Variants in NCOR2 observed in about 807,000 individuals in gnomAD.
NCOR2 encodes nuclear receptor corepressor 2, also known as CTG repeat protein 26.
In NCOR2, 81 loss-of-function variants were observed where a neutral mutation model predicts 262.9. The ratio of observed to expected loss-of-function variants is 0.31; its 90% confidence interval spans 0.26 to 0.37. The LOEUF (loss-of-function observed/expected upper bound fraction) is 0.37, where lower values mean the gene tolerates loss of function less well. Among genes scored for constraint, NCOR2 ranks in the 10% least tolerant of loss-of-function variants. The pLI is 1.00. For synonymous variants in NCOR2, 1,659 were observed against 1,559.3 expected (o/e 1.06, Z -1.51); for missense variants, 3,385 against 3,621.4 (o/e 0.93, Z 1.68).
intron 16 of NCOR2, among the ~76,000 whole-genome samples, chr12:124,392,182 G>C (rs1005458178): frequency 6.6e-6 from 1 of 152,172 alleles, no homozygotes; most frequent in African/African-American, 2.4e-5. Flanking sequence ...CGGATTCATG[G>C]GTCTCCCCTA....
chr12:124,546,356 G>A (rs1046438702), intron 1 of NCOR2, among the ~76,000 whole-genome samples: 15 of 152,154 alleles, frequency 9.9e-5, no homozygotes, highest in Non-Finnish European at 2.2e-4. Flanking sequence ...TCAGTATGGT[G>A]GTCTGAAAAC....
chr12:124,448,462 G>T (rs890986735), intron 7 of NCOR2, among the ~76,000 whole-genome samples: 1 of 152,198 alleles, frequency 6.6e-6, no homozygotes, highest in Non-Finnish European at 1.5e-5. Flanking sequence ...GTACCAGCCC[G>T]GGACCCCTGG....
rs749886243 is a variant in NCOR2, at chr12:124,378,244, C to G, written c.2160G>C (p.Glu720Asp). Residue 720 changes from glutamate to aspartate, a missense_variant, in exon 18 of 47, where the codon GAG (glutamate) becomes GAC (aspartate). Coordinates refer to ENST00000405201, the Ensembl canonical transcript of NCOR2. This position sits in a 1 kb window ranked among gnomAD's most constrained non-coding sequence, Gnocchi z 4.2. ...AGCCGCGCCAGCCCTCACCTTCAGC[C>G]TCCTCCACCATCTCCTCCTCATTTC... The G allele has an allele frequency of 3.1e-6, 5 of 1,613,782 alleles. No individual in the cohort carries two copies. In the South Asian group the frequency reaches 4.4e-5, roughly 14 times the overall value.
Position 124,486,452 on chromosome 12 carries a change from G to A in NCOR2, c.222C>T (p.Pro74=), listed in dbSNP as rs375860971. 5.9e-4 allele frequency: 950 copies of A among 1,612,660 alleles called. 2 individuals are homozygous for A. Among genetic ancestry groups the A allele is most frequent in the Non-Finnish European group, 7.4e-4 (870 of 1,179,582 alleles). Reference sequence around the variant, plus strand: ...AACTCTCTCCTCACCGTTCATTCCCGGGCTGGAACTCAGACAGCAGGGAGG... The same window carrying A: ...AACTCTCTCCTCACCGTTCATTCCCAGGCTGGAACTCAGACAGCAGGGAGG... Residue 74 remains proline (P), a synonymous_variant, in exon 2 of 47, where the codon CCC becomes CCT. Coordinates refer to ENST00000405201, the Ensembl canonical transcript of NCOR2.
At chr12:124,472,306 T>A (rs1441213376) in intron 4 of NCOR2, among the ~76,000 whole-genome samples, 4 of 152,254 alleles carry the variant, frequency 2.6e-5, no homozygotes, top group African/African-American at 9.6e-5. Context: ...CGCTTGTCTT[T>A]GTGTGGTTTC....
At chr12:124,537,224 T>C (rs2051142560), upstream of NCOR2, among the ~76,000 whole-genome samples, 1 of 152,256 alleles carries the variant, frequency 6.6e-6, no homozygotes, top group African/African-American at 2.4e-5. Flanking sequence ...TTATAATTGT[T>C]CGCTAATCTG....
At chr12:124,395,294 G>C (rs2041579547) in intron 16 of NCOR2, among the ~76,000 whole-genome samples, 1 of 152,084 alleles carries the variant, frequency 6.6e-6, no homozygotes, top group South Asian at 2.1e-4. Context: ...CCCTATGGAG[G>C]AGTTGCTGGG....
intron 1 of NCOR2, among the ~76,000 whole-genome samples, chr12:124,516,520 G>A (rs535437359): frequency 4.5e-4 from 68 of 152,304 alleles, no homozygotes; most frequent in Non-Finnish European, 8.8e-4. Context: ...GACGGAACTC[G>A]AACTTAAATC....
Position 124,495,230 on chromosome 12 carries a change from C to T in NCOR2, c.22G>A (p.Val8Met). ...TCAGTGGCCCTCCACGTCTGTGCCA[C>T]AGGCTGTGTGGATCCCGACATGGTG... Residue 8 changes from valine (V) to methionine (M), a missense_variant, in exon 1 of 47, where the codon GTG (valine) becomes ATG (methionine). Val to Met is a conservative substitution (Grantham distance 21, BLOSUM62 1). Around this residue, in one of 5 missense-constraint regions of NCOR2, gnomAD observed 237 missense variants for 229.4 expected, o/e 1.03. Transcript: ENST00000405201. The surrounding 1 kb of genome is among the most constrained non-coding windows in gnomAD (Gnocchi z 4.4). 6.2e-7 allele frequency: 1 copy of T among 1,613,666 alleles called. No individual in the cohort carries two copies. The highest frequency in any genetic ancestry group is 8.5e-7 in the Non-Finnish European group (1 of 1,179,858).
chr12:124,356,188 G>A (rs1420839028), intron 23 of NCOR2, among the ~76,000 whole-genome samples: 2 of 152,326 alleles, frequency 1.3e-5, no homozygotes, highest in East Asian at 3.9e-4. Flanking sequence ...CTCGGGACCA[G>A]CCTTTACCAA....
At chr12:124,356,706 G>A (rs1184274266) in exon 23 of NCOR2, 2 of 1,495,702 alleles carry the variant, frequency 1.3e-6, no homozygotes, top group Non-Finnish European at 1.8e-6. Context: ...TCACCTCACG[G>A]GGGGGCACGG....
upstream of NCOR2, among the ~76,000 whole-genome samples, chr12:124,498,990 G>A (rs1259850558): frequency 6.6e-6 from 1 of 152,274 alleles, no homozygotes; most frequent in African/African-American, 2.4e-5. Context: ...GGGTGAGGCA[G>A]GAATGAGGCC....
chr12:124,565,905 C>T (rs1566065841), intron 1 of NCOR2, among the ~76,000 whole-genome samples: 1 of 152,176 alleles, frequency 6.6e-6, no homozygotes, highest in Non-Finnish European at 1.5e-5. Flanking sequence ...CATTTCTCGG[C>T]CCCTCCTCAG....
intron 10 of NCOR2, among the ~76,000 whole-genome samples, chr12:124,428,358 G>A (rs775831545): frequency 9.2e-5 from 14 of 152,206 alleles, no homozygotes; most frequent in Non-Finnish European, 1.6e-4. Flanking sequence ...AAACAAAAAC[G>A]TACCACGAGA....
At chr12:124,420,081 G>A (rs1167232177) in intron 12 of NCOR2, 26 bp from the exon 15 acceptor site, 1 of 1,589,768 alleles carries the variant, frequency 6.3e-7, no homozygotes, top group Non-Finnish European at 8.6e-7. Flanking sequence ...AGAGGACGCT[G>A]AGCAGGGTAC....
chr12:124,392,116 T>C (rs1409138545), intron 16 of NCOR2, among the ~76,000 whole-genome samples: 1 of 152,210 alleles, frequency 6.6e-6, no homozygotes, highest in African/African-American at 2.4e-5. Context: ...ACAGGCATCA[T>C]TACTACCGCA....
intron 8 of NCOR2, among the ~76,000 whole-genome samples, chr12:124,433,845 TACACACACACACACACACACACACACAC>T (rs1204258133): frequency 1.1e-4 from 2 of 18,268 alleles, no homozygotes; most frequent in African/African-American, 1.8e-4. Context: ...CTCTCTGTCT[TACACACACACACACACACACACACACAC>T]ACACACACAC....
chr12:124,562,673 G>A (rs1282355635), intron 1 of NCOR2, among the ~76,000 whole-genome samples: 2 of 152,188 alleles, frequency 1.3e-5, no homozygotes, highest in Admixed American at 1.3e-4. Context: ...AAACACCAAC[G>A]ACCAACGGGA....
chr12:124,509,484 C>A (rs1359362486), intron 1 of NCOR2, among the ~76,000 whole-genome samples: 1 of 152,182 alleles, frequency 6.6e-6, no homozygotes, highest in African/African-American at 2.4e-5. Flanking sequence ...GGGAGTCTGT[C>A]CATTGCAACC....
Sources: allele counts gnomAD v4.1 joint callset (sites outside exome capture counted in the v4.1 genomes callset), GRCh38; gene constraint gnomAD v4.1.1; regional missense constraint gnomAD v4.1.1; non-coding constraint Gnocchi (gnomAD v3.1); transcripts MANE v1.5; gene names NCBI Gene and HGNC (gene_info 2026-07-23, HGNC 2026-07-21).